Variants in LIN52 observed in about 807,000 individuals in gnomAD.
The protein encoded by LIN52 is protein lin-52 homolog.
A neutral mutation model predicts 18.5 loss-of-function variants in LIN52; 4 were observed. The ratio of observed to expected loss-of-function variants is 0.22; its 90% CI spans 0.11 to 0.49. LIN52 has a LOEUF of 0.49. Ranked by LOEUF, LIN52 falls within the 20% of genes least tolerant of loss-of-function variation. The pLI, the probability that LIN52 is intolerant of heterozygous loss-of-function variation, is 0.97. For missense variants in LIN52, 102 were observed against 139.5 expected, an observed-to-expected ratio of 0.73 and a Z score of 1.35; for synonymous variants, 34 against 45.5, an observed-to-expected ratio of 0.75 and a Z score of 1.02.
At position 74,084,989 on chromosome 14, in the gene LIN52, A is replaced by G; in HGVS notation, c.15A>G (p.Thr5=). Residue 5 remains threonine (T), a synonymous_variant, in exon 1 of 6, where the codon ACA becomes ACG. Coordinates refer to ENST00000555028, the MANE Select transcript of LIN52 (RefSeq NM_001024674.3). MASP[T]DGTDLEASLL... is the part of the protein sequence containing the mutation. ...TGGGTTGGAAGATGGCGTCTCCCAC[A>G]GACGGTAAGAGCCGGCTTAGAGATC... 1 of 1,419,770 alleles carries G rather than the reference A, an allele frequency of 7.0e-7. No homozygotes were observed. The highest frequency in any genetic ancestry group is 9.2e-7 in the Non-Finnish European group (1 of 1,081,388). The allele number at this position is 1,419,770 out of a possible 1,614,324, so 87.9% of individuals were successfully genotyped here.
intron 5 of LIN52, among the ~76,000 whole-genome samples, chr14:74,102,170 G>C (rs2060862543): frequency 6.6e-6 from 1 of 152,134 alleles, no homozygotes; most frequent in Non-Finnish European, 1.5e-5. Flanking sequence ...TTGAACCTGG[G>C]AGGCAGAGGT....
chr14:74,190,389 C>CTTTTTTT lies in LIN52; in HGVS notation c.284-8519_284-8513dup, dbSNP rs68037994. 6.1e-3 allele frequency among the ~76,000 whole-genome samples: 648 copies of CTTTTTTT among 106,278 alleles called. 49 individuals carry two copies. The highest frequency in any genetic ancestry group is 0.021 in the African/African-American group (568 of 26,592). The allele number at this position is 106,278 out of a possible 152,430, so 69.7% of individuals were successfully genotyped here. A position where few individuals can be genotyped will look rare whatever the true frequency, so the allele number is the denominator to read the frequency against. On this transcript the variant is annotated intron_variant, in intron 5 of 5. Transcript: ENST00000555028. ...GAAATGTTTTATTATGCCTAAATAA[C>CTTTTTTT]TTTTTTTTTTTTTTTTTTTTGAGAC...
At chr14:74,175,671 T>A (rs1277944851) in intron 5 of LIN52, among the ~76,000 whole-genome samples, 1 of 150,652 alleles carries the variant, frequency 6.6e-6, no homozygotes, top group Non-Finnish European at 1.5e-5. Flanking sequence ...CACTCCAGCC[T>A]GGGTGGCAAA....
At chr14:74,143,564 T>C (rs8010325) in intron 5 of LIN52, among the ~76,000 whole-genome samples, 117,872 of 151,966 alleles carry the variant, frequency 0.78, 46,041 homozygotes, top group Admixed American at 0.81. Flanking sequence ...CTCCACATAG[T>C]CCGCCAAAAA....
chr14:74,130,283 T>TG (rs2139937146), intron 5 of LIN52, among the ~76,000 whole-genome samples: 1 of 127,356 alleles, frequency 7.9e-6, no homozygotes, highest in Non-Finnish European at 1.6e-5. Flanking sequence ...TTTTGGTTTT[T>TG]TTTTTTTTTT....
At chr14:74,183,303 G>A (rs1164841927) in intron 5 of LIN52, among the ~76,000 whole-genome samples, 1 of 152,068 alleles carries the variant, frequency 6.6e-6, no homozygotes, top group Non-Finnish European at 1.5e-5. Context: ...GATTCACCAT[G>A]TTAGCCAGGA....
chr14:74,144,044 T>C lies in LIN52; in HGVS notation c.283+42806T>C, dbSNP rs963802791. ...GAGTGAGATCATGGCAGTATTTGTC[T>C]TTCTGTGTCTGGCTTATTTCACTTA... On this transcript the variant is annotated intron_variant, in intron 5 of 5. Coordinates refer to ENST00000555028, the MANE Select transcript of LIN52 (RefSeq NM_001024674.3). Among the ~76,000 whole-genome samples, 12 of 152,138 alleles carry C rather than the reference T, an allele frequency of 7.9e-5. No homozygotes were observed. The East Asian group carries it at 2.3e-3, about 29-fold the overall frequency.
chr14:74,144,543 A>G (rs2139548498), intron 5 of LIN52, among the ~76,000 whole-genome samples: 1 of 152,294 alleles, frequency 6.6e-6, no homozygotes, highest in South Asian at 2.1e-4. Context: ...AGCAAATGTA[A>G]CTCTAACAAA....
intron 5 of LIN52, among the ~76,000 whole-genome samples, chr14:74,148,392 G>A (rs62006760): frequency 0.1 from 15,358 of 152,110 alleles, 853 homozygotes; most frequent in South Asian, 0.18. Context: ...CTCCTCTCAT[G>A]GCACTTACAA....
intron 5 of LIN52, among the ~76,000 whole-genome samples, chr14:74,152,873 T>C (rs935349734): frequency 5.3e-5 from 8 of 150,534 alleles, no homozygotes; most frequent in African/African-American, 1.5e-4. Context: ...GGCAGGAGAA[T>C]TGCTTGAACC....
intron 5 of LIN52, among the ~76,000 whole-genome samples, chr14:74,178,030 CG>C (rs1260406819): frequency 1.3e-5 from 2 of 152,116 alleles, no homozygotes; most frequent in Non-Finnish European, 2.9e-5. Flanking sequence ...TCACCTGCCT[CG>C]GCCTCCCAAA....
chr14:74,190,856 CT>C (rs1337080672), intron 5 of LIN52, among the ~76,000 whole-genome samples: 1 of 152,230 alleles, frequency 6.6e-6, no homozygotes, highest in African/African-American at 2.4e-5. Context: ...GTTACACCAC[CT>C]GCTGAGGGCC....
intron 5 of LIN52, among the ~76,000 whole-genome samples, chr14:74,157,235 G>A (rs953423457): frequency 1.3e-5 from 2 of 151,362 alleles, no homozygotes; most frequent in Non-Finnish European, 2.9e-5. Flanking sequence ...GTTTCTCCAT[G>A]TTGGCCAGGC....
chr14:74,198,526 G>C (rs2078928425), intron 5 of LIN52, among the ~76,000 whole-genome samples: 1 of 152,210 alleles, frequency 6.6e-6, no homozygotes, highest in South Asian at 2.1e-4. Flanking sequence ...AATGTCCAGA[G>C]ACCAGCAACC....
At chr14:74,169,110 T>C (rs2061261083) in intron 5 of LIN52, among the ~76,000 whole-genome samples, 1 of 152,190 alleles carries the variant, frequency 6.6e-6, no homozygotes, top group Admixed American at 6.5e-5. Context: ...AAACTCTTTT[T>C]TGGGCCTTGA....
At chr14:74,101,636 A>G (rs2060856940) in intron 5 of LIN52, among the ~76,000 whole-genome samples, 2 of 150,226 alleles carry the variant, frequency 1.3e-5, no homozygotes, top group African/African-American at 4.9e-5. Context: ...TTTTTTTTGT[A>G]TTTTTAGTAG....
At chr14:74,096,617 T>C (rs943145857) in intron 3 of LIN52, among the ~76,000 whole-genome samples, 1 of 151,986 alleles carries the variant, frequency 6.6e-6, no homozygotes, top group Non-Finnish European at 1.5e-5. Flanking sequence ...ACATTTTAAT[T>C]AAAAAAAGAG....
chr14:74,152,581 C>A (rs962933594), intron 5 of LIN52, among the ~76,000 whole-genome samples: 1 of 152,010 alleles, frequency 6.6e-6, no homozygotes, highest in Non-Finnish European at 1.5e-5. Flanking sequence ...TCCAAGCCAT[C>A]TGACTCCATA....
intron 5 of LIN52, among the ~76,000 whole-genome samples, chr14:74,136,684 A>T (rs2061099714): frequency 6.6e-6 from 1 of 152,222 alleles, no homozygotes; most frequent in South Asian, 2.1e-4. Context: ...TTGTGTATCT[A>T]CTGTTCTTTG....
Sources: gnomAD v4.1 joint callset for allele counts (sites outside exome capture counted in the v4.1 genomes callset) on GRCh38, gnomAD v4.1.1 for gene constraint, MANE v1.5 for transcripts, NCBI Gene and HGNC (gene_info 2026-07-23, HGNC 2026-07-21) for gene names.